The following SNTG1 variants were observed in gnomAD, a reference collection of about 807,000 sequenced individuals.
SNTG1 encodes gamma-1-syntrophin.
A neutral mutation model predicts 74.7 loss-of-function variants in SNTG1; 39 were observed. The observed-to-expected ratio is 0.52, with a 90% CI of 0.40 to 0.68. SNTG1 has a LOEUF of 0.68. Among genes scored for constraint, SNTG1 ranks in the 30% least tolerant of loss-of-function variants. The pLI is 0.00. For missense variants in SNTG1, 685 were observed against 609.5 expected, an observed-to-expected ratio of 1.12 and a Z score of -1.30; for synonymous variants, 254 against 217.1, an observed-to-expected ratio of 1.17 and a Z score of -1.49.
intron 1 of SNTG1, among the ~76,000 whole-genome samples, chr8:50,030,527 T>C (rs1817654015): frequency 6.6e-6 from 1 of 152,074 alleles, no homozygotes; most frequent in Non-Finnish European, 1.5e-5. Context: ...TAATATATGG[T>C]ATAAGGTTTA....
chr8:50,171,333 C>A (rs953973208), intron 1 of SNTG1, among the ~76,000 whole-genome samples: 2 of 152,144 alleles, frequency 1.3e-5, no homozygotes, highest in South Asian at 2.1e-4. Context: ...AGCAAAGAAA[C>A]CAGTTTGAGT....
At chr8:50,411,424 G>A (rs886385838) in intron 4 of SNTG1, among the ~76,000 whole-genome samples, 6 of 150,866 alleles carry the variant, frequency 4.0e-5, no homozygotes, top group African/African-American at 1.5e-4. Context: ...CTCCAGCCTG[G>A]GTGACAGAGC....
At chr8:50,376,998 A>C (rs1036586294) in intron 2 of SNTG1, among the ~76,000 whole-genome samples, 3 of 152,082 alleles carry the variant, frequency 2.0e-5, no homozygotes, top group Middle Eastern at 3.2e-3. Flanking sequence ...GAGTGTTCCC[A>C]GACTCCGGCT....
chr8:50,207,512 A>C (rs1319101239), intron 2 of SNTG1, among the ~76,000 whole-genome samples: 3 of 152,126 alleles, frequency 2.0e-5, no homozygotes, highest in Non-Finnish European at 4.4e-5. Context: ...TCTTCAAAAA[A>C]CTAGCTCCTA....
intron 18 of SNTG1, among the ~76,000 whole-genome samples, chr8:50,779,848 ATAGCTC>A (rs1333521354): frequency 2.0e-5 from 3 of 152,220 alleles, no homozygotes; most frequent in South Asian, 2.1e-4. Context: ...TTTGTCACAG[ATAGCTC>A]TTATTATTTT....
At chr8:50,345,587 T>C (rs531574409) in intron 2 of SNTG1, among the ~76,000 whole-genome samples, 1 of 152,364 alleles carries the variant, frequency 6.6e-6, no homozygotes, top group South Asian at 2.1e-4. Flanking sequence ...GGGTGTATTA[T>C]GCATATGTTA....
intron 2 of SNTG1, among the ~76,000 whole-genome samples, chr8:50,313,701 A>T (rs73579263): frequency 0.027 from 4,078 of 150,082 alleles, 493 homozygotes; most frequent in African/African-American, 0.095. Flanking sequence ...GGTTTTTGAA[A>T]TATTTATCTT....
intron 4 of SNTG1, among the ~76,000 whole-genome samples, chr8:50,418,412 T>C (rs1346955006): frequency 6.6e-6 from 1 of 152,134 alleles, no homozygotes; most frequent in Non-Finnish European, 1.5e-5. Flanking sequence ...GTCTCAGTCT[T>C]CACTGCTGAG....
intron 4 of SNTG1, among the ~76,000 whole-genome samples, chr8:50,436,234 GGAAAAAAGAAA>G (rs2093301369): frequency 1.3e-5 from 2 of 151,998 alleles, no homozygotes; most frequent in Non-Finnish European, 2.9e-5. Context: ...TTACAGAAAA[GGAAAAAAGAAA>G]TAGTTCCTGT....
chr8:50,733,815 AT>A (rs369705527), intron 17 of SNTG1, among the ~76,000 whole-genome samples: 18 of 151,412 alleles, frequency 1.2e-4, no homozygotes, highest in African/African-American at 4.3e-4. Context: ...TTTTTCTTAC[AT>A]TTTATCGTAT....
Position 50,703,528 on chromosome 8 carries a change from A to G in SNTG1, c.1039-1072A>G, listed in dbSNP as rs181578192. Among the ~76,000 whole-genome samples the G allele has an allele frequency of 1.8e-3, 269 of 152,118 alleles. 2 individuals carry two copies. Among genetic ancestry groups the G allele is most frequent in the Middle Eastern group, 6.8e-3 (2 of 294 alleles). ...ACTGCTTGAGCCTGTTTTATAGTTA[A>G]CTATATTTTTAATAAATAGAAGGAG... On this transcript the variant is annotated intron_variant, in intron 15 of 18. Coordinates refer to ENST00000642720, the MANE Select transcript of SNTG1 (RefSeq NM_018967.5).
At chr8:50,320,875 C>T (rs892294152) in intron 2 of SNTG1, among the ~76,000 whole-genome samples, 1 of 152,058 alleles carries the variant, frequency 6.6e-6, no homozygotes, top group African/African-American at 2.4e-5. Context: ...GCTCAGAGAA[C>T]ATACATGACA....
At chr8:50,010,375 G>A (rs910061488) in intron 1 of SNTG1, among the ~76,000 whole-genome samples, 2 of 152,104 alleles carry the variant, frequency 1.3e-5, no homozygotes, top group African/African-American at 4.8e-5. Context: ...ACACAGTTAG[G>A]AAGGAGTGCT....
chr8:49,994,327 C>A (rs1300517311), intron 1 of SNTG1, among the ~76,000 whole-genome samples: 1 of 147,154 alleles, frequency 6.8e-6, no homozygotes, highest in African/African-American at 2.5e-5. Flanking sequence ...CCAATCTCGG[C>A]TCACTGCAAC....
intron 1 of SNTG1, among the ~76,000 whole-genome samples, chr8:49,982,325 T>A (rs1422362891): frequency 6.6e-6 from 1 of 152,104 alleles, no homozygotes. Context: ...TGAGTTCAGG[T>A]GACTTTGACT....
chr8:50,676,449 C>T lies in SNTG1; in HGVS notation c.1038+17786C>T, dbSNP rs139582646. On this transcript the variant is annotated intron_variant, in intron 15 of 18. Transcript: ENST00000642720. ...GCTTGTGTATGCTTCACAAAGTTCTCGTGCTGTGTTACGCAGCACCATCAG... is the reference window on the plus strand; with the variant it reads ...GCTTGTGTATGCTTCACAAAGTTCTTGTGCTGTGTTACGCAGCACCATCAG... 1.7e-3 allele frequency among the ~76,000 whole-genome samples: 252 copies of T among 152,072 alleles called. 2 individuals carry two copies. Among genetic ancestry groups the T allele is most frequent in the African/African-American group, 5.8e-3 (239 of 41,538 alleles).
intron 1 of SNTG1, among the ~76,000 whole-genome samples, chr8:49,977,535 C>T (rs768723960): frequency 2.6e-5 from 4 of 152,038 alleles, no homozygotes; most frequent in Non-Finnish European, 5.9e-5. Context: ...AGAACATTTT[C>T]AAAAGAAAAG....
chr8:50,048,452 C>T (rs1206544610), intron 1 of SNTG1, among the ~76,000 whole-genome samples: 1 of 152,146 alleles, frequency 6.6e-6, no homozygotes, highest in Admixed American at 6.6e-5. Flanking sequence ...TTACCTGCAC[C>T]TCCAAATGTG....
chr8:50,064,186 T>A (rs577622869), intron 1 of SNTG1, among the ~76,000 whole-genome samples: 68 of 152,362 alleles, frequency 4.5e-4, no homozygotes, highest in African/African-American at 1.6e-3. Context: ...GTAGAAATTG[T>A]CAGCATCATC....
Sources: gnomAD v4.1 joint callset for allele counts (sites outside exome capture counted in the v4.1 genomes callset) on GRCh38, gnomAD v4.1.1 for gene constraint, MANE v1.5 for transcripts, NCBI Gene and HGNC (gene_info 2026-07-23, HGNC 2026-07-21) for gene names.